The following SNRNP40 variants were observed in gnomAD, a reference collection of about 807,000 sequenced individuals.
The protein encoded by SNRNP40 is U5 small nuclear ribonucleoprotein 40 kDa protein.
A neutral mutation model predicts 45.8 loss-of-function variants in SNRNP40; 21 were observed. The ratio of observed to expected loss-of-function variants is 0.46; its 90% CI spans 0.32 to 0.66. SNRNP40 has a LOEUF of 0.66. Among genes scored for constraint, SNRNP40 ranks in the 30% least tolerant of loss-of-function variants. The pLI, the probability that SNRNP40 is intolerant of heterozygous loss-of-function variation, is 0.03. For synonymous variants in SNRNP40, 142 were observed against 163.8 expected (o/e 0.87, Z 1.01); for missense variants, 344 against 439.1 (o/e 0.78, Z 1.94).
Position 31,296,615 on chromosome 1 carries a change from T to G in SNRNP40, c.137A>C (p.Gln46Pro). Residue 46 changes from glutamine to proline, a missense_variant, in exon 1 of 10, where the codon CAA becomes CCA. Transcript: ENST00000263694. ...GCCGCCTGCTTCTTCACTTACCGCT[T>G]GCAGCAAGGCTCCCGGCGTCGCCTG... is the stretch of plus-strand genomic sequence containing the variant. ...QQQATPGALLQAGPPRCSSLQ... is the reference protein window; with the variant it reads ...QQQATPGALLPAGPPRCSSLQ... 1 of 1,609,766 alleles carries G rather than the reference T, an allele frequency of 6.2e-7. No individual in the cohort carries two copies. The highest frequency in any genetic ancestry group is 8.5e-7 in the Non-Finnish European group (1 of 1,178,200).
At chr1:31,282,635 T>C (rs772149304) in intron 4 of SNRNP40, among the ~76,000 whole-genome samples, 1 of 151,614 alleles carries the variant, frequency 6.6e-6, no homozygotes, top group African/African-American at 2.4e-5. Flanking sequence ...TCTATATCTA[T>C]CTATCTATGT....
intron 4 of SNRNP40, among the ~76,000 whole-genome samples, chr1:31,286,301 G>A (rs1360744937): frequency 6.6e-6 from 1 of 151,986 alleles, no homozygotes; most frequent in Non-Finnish European, 1.5e-5. Context: ...TCTGTTCTTG[G>A]ACAGAGAAAT....
At position 31,259,829 on chromosome 1, in the gene SNRNP40, AG is replaced by A. The variant is rs1351673983; in HGVS notation, c.*242del. On this transcript the variant is annotated 3_prime_UTR_variant, in exon 10 of 10. Coordinates refer to ENST00000263694, the MANE Select transcript of SNRNP40 (RefSeq NM_004814.3). Reference sequence around the variant, plus strand: ...CATTAGAAAACAGGAAAAAAGAAAAAGAAAAAAAAAAACAGTCCCTGAAATC... The same window carrying A: ...CATTAGAAAACAGGAAAAAAGAAAAAAAAAAAAAAAACAGTCCCTGAAATC... 7.0e-5 allele frequency: 46 copies of A among 658,892 alleles called. No individual in the cohort carries two copies. The Admixed American group carries it at 8.9e-4, about 13-fold the overall frequency. 40.8% of individuals were successfully genotyped at this position (658,892 alleles called of 1,614,324 possible). A position where few individuals can be genotyped will look rare whatever the true frequency, so the allele number is the denominator to read the frequency against.
intron 4 of SNRNP40, 96 bp from the exon 5 acceptor site, chr1:31,281,592 G>A (rs554737253): frequency 9.3e-7 from 1 of 1,075,266 alleles, no homozygotes; most frequent in East Asian, 2.6e-5. Flanking sequence ...TTGTGGACAT[G>A]AACACATCTA....
intron 4 of SNRNP40, among the ~76,000 whole-genome samples, chr1:31,285,337 G>A (rs981696529): frequency 4.0e-5 from 6 of 149,788 alleles, no homozygotes; most frequent in Admixed American, 1.4e-4. Context: ...TCCACCTCCC[G>A]GGTTCAAGCA....
At chr1:31,295,434 C>G (rs1428194182) in intron 1 of SNRNP40, among the ~76,000 whole-genome samples, 1 of 152,094 alleles carries the variant, frequency 6.6e-6, no homozygotes, top group Non-Finnish European at 1.5e-5. Flanking sequence ...AAAATCCTCA[C>G]TGAAAAAATT....
chr1:31,283,405 C>T (rs769262962), intron 4 of SNRNP40, among the ~76,000 whole-genome samples: 2 of 152,130 alleles, frequency 1.3e-5, no homozygotes, highest in Admixed American at 6.5e-5. Flanking sequence ...GAGTTCAAGA[C>T]CAGCGTGGCT....
At chr1:31,268,618 C>CT in intron 7 of SNRNP40, among the ~76,000 whole-genome samples, 1 of 145,676 alleles carries the variant, frequency 6.9e-6, no homozygotes, top group East Asian at 2.0e-4. Flanking sequence ...AATGAGCTCT[C>CT]AAAAAAAAAA....
intron 4 of SNRNP40, among the ~76,000 whole-genome samples, chr1:31,283,034 T>C (rs1377349782): frequency 1.3e-5 from 2 of 152,076 alleles, no homozygotes; most frequent in Non-Finnish European, 2.9e-5. Flanking sequence ...TTAGAAAAGA[T>C]CTGAGAAGGC....
chr1:31,291,429 A>G (rs1274528598), intron 3 of SNRNP40, among the ~76,000 whole-genome samples: 1 of 152,128 alleles, frequency 6.6e-6, no homozygotes, highest in Non-Finnish European at 1.5e-5. Context: ...ATGGTGGTTA[A>G]TTATTGTAAT....
At chr1:31,285,263 G>C (rs962718455) in intron 4 of SNRNP40, among the ~76,000 whole-genome samples, 31 of 132,318 alleles carry the variant, frequency 2.3e-4, no homozygotes, top group Non-Finnish European at 3.8e-4. Context: ...TTTTGAGATG[G>C]GAGTCTCACT....
intron 4 of SNRNP40, 61 bp downstream of exon 4, chr1:31,289,193 G>A (rs1646084449): frequency 6.6e-7 from 1 of 1,506,930 alleles, no homozygotes; most frequent in African/African-American, 1.4e-5. Context: ...CAAGTGGCAA[G>A]GCAAGATAAG....
chr1:31,267,165 A>T (rs1268061503), intron 8 of SNRNP40, among the ~76,000 whole-genome samples: 1 of 152,162 alleles, frequency 6.6e-6, no homozygotes, highest in Admixed American at 6.5e-5. Context: ...ACGCAAAAGG[A>T]GGTTAGAATA....
chr1:31,278,129 A>G (rs915147748), intron 5 of SNRNP40, among the ~76,000 whole-genome samples: 1 of 152,160 alleles, frequency 6.6e-6, no homozygotes, highest in Non-Finnish European at 1.5e-5. Flanking sequence ...TCTTTGCCCT[A>G]TGATTTTTTT....
intron 4 of SNRNP40, among the ~76,000 whole-genome samples, chr1:31,286,887 A>G (rs1646063515): frequency 6.6e-6 from 1 of 152,184 alleles, no homozygotes. Flanking sequence ...TTTGGCCTAT[A>G]TAACTGGCTT....
At chr1:31,283,912 G>T (rs1040198300) in intron 4 of SNRNP40, among the ~76,000 whole-genome samples, 1 of 152,088 alleles carries the variant, frequency 6.6e-6, no homozygotes, top group Non-Finnish European at 1.5e-5. Context: ...GGACCTAAAT[G>T]TAAGAGCTAA....
At chr1:31,289,133 G>T in intron 4 of SNRNP40, 121 bp downstream of exon 4, 1 of 801,002 alleles carries the variant, frequency 1.2e-6, no homozygotes, top group Non-Finnish European at 2.0e-6. Flanking sequence ...TTTCAAGTGT[G>T]TTATGGGAGA....
intron 8 of SNRNP40, chr1:31,263,198 GAAT>G (rs1645872610): frequency 2.0e-5 from 3 of 152,008 alleles, no homozygotes; most frequent in South Asian, 4.2e-4. Context: ...CAAAAGTGAT[GAAT>G]AATAACAGAA....
At chr1:31,279,715 C>G (rs933357650) in intron 5 of SNRNP40, among the ~76,000 whole-genome samples, 2 of 151,062 alleles carry the variant, frequency 1.3e-5, no homozygotes, top group African/African-American at 2.4e-5. Flanking sequence ...CCACTGCATT[C>G]AAGTCTGGGC....
Sources: allele counts gnomAD v4.1 joint callset (sites outside exome capture counted in the v4.1 genomes callset), GRCh38; gene constraint gnomAD v4.1.1; transcripts MANE v1.5; gene names NCBI Gene and HGNC (gene_info 2026-07-23, HGNC 2026-07-21).